The following ULK2 variants were observed in gnomAD, a reference collection of about 807,000 sequenced individuals.
ULK2 encodes serine/threonine-protein kinase ULK2.
In ULK2, 76 loss-of-function variants were observed where a neutral mutation model predicts 127.5. That is an observed-to-expected ratio of 0.60 (90% CI 0.50 to 0.72). The LOEUF (loss-of-function observed/expected upper bound fraction) is 0.72, where lower values mean the gene tolerates loss of function less well. Among genes scored for constraint, ULK2 ranks in the 30% least tolerant of loss-of-function variants. ULK2 has a pLI of 0.00. For synonymous variants in ULK2, 452 were observed against 461.9 expected (o/e 0.98, Z 0.28); for missense variants, 1,144 against 1,295.9 (o/e 0.88, Z 1.80).
rs760127276 is a variant in ULK2, at chr17:19,841,550, AT to A, written c.646-4del. On this transcript the variant is annotated splice_polypyrimidine_tract_variant and splice_region_variant and intron_variant, in intron 8 of 26. Transcript: ENST00000395544. ...CTTAAGTCTTGAGGACTATTGGCCT[AT>A]TAAAAAAAAAAAGGTTTAATTTCCT... The A allele has an allele frequency of 4.5e-6, 7 of 1,568,602 alleles. No individual in the cohort carries two copies. The African/African-American group carries it at 9.8e-5, about 22-fold the overall frequency.
At chr17:19,867,044 G>T (rs553976435) in intron 1 of ULK2, among the ~76,000 whole-genome samples, 1 of 152,296 alleles carries the variant, frequency 6.6e-6, no homozygotes, top group East Asian at 1.9e-4. Flanking sequence ...TTGGGTCCAG[G>T]GTAACCTGGG....
chr17:19,814,456 T>TGTTTGTTTGTTTGTTTG (rs71157834), intron 13 of ULK2, among the ~76,000 whole-genome samples: 6 of 18,254 alleles, frequency 3.3e-4, no homozygotes, highest in South Asian at 1.8e-3. Context: ...TTTTTTTTTT[T>TGTTTGTTTGTTTGTTTG]TTTTTTTGGA....
At chr17:19,859,027 C>T (rs958670750) in intron 3 of ULK2, among the ~76,000 whole-genome samples, 2 of 152,112 alleles carry the variant, frequency 1.3e-5, no homozygotes, top group South Asian at 2.1e-4. Flanking sequence ...TGGTGGCTCA[C>T]GCCTATAATC....
In ULK2 at chr17:19,867,902, A is replaced by G. The variant is rs1309921256; in HGVS notation, c.-485T>C. The G allele has an allele frequency of 2.7e-5, 4 of 150,892 alleles. No individual in the cohort carries two copies. The highest frequency in any genetic ancestry group is 5.9e-5 in the Non-Finnish European group (4 of 67,646). The allele number at this position is 150,892 out of a possible 1,614,324, so 9.3% of individuals were successfully genotyped here. ...CTTCCCCGCCTCGCGGCGGCGCCCAACGCCCTCGCGCGCGCTACCCGCTCC... is the reference window on the plus strand; with the variant it reads ...CTTCCCCGCCTCGCGGCGGCGCCCAGCGCCCTCGCGCGCGCTACCCGCTCC... On this transcript the variant is annotated 5_prime_UTR_variant, in exon 1 of 27. Coordinates refer to ENST00000395544, the MANE Select transcript of ULK2 (RefSeq NM_014683.4).
rs570142962 is a variant in ULK2, at chr17:19,821,384, A to G, written c.924+3710T>C. Among the ~76,000 whole-genome samples, 3 of 150,764 alleles carry G rather than the reference A, an allele frequency of 2.0e-5. No individual in the cohort carries two copies. In the Admixed American group the frequency reaches 2.0e-4, roughly 10 times the overall value. The stretch of plus-strand genomic sequence containing the variant: ...TAATCTCTAGTCAGTATCATAATTA[A>G]AAGAGTGATTTGGAGTTTTTTTATT... On this transcript the variant is annotated intron_variant, in intron 12 of 26. Transcript: ENST00000395544.
At chr17:19,860,940 C>T (rs2042229258) in intron 3 of ULK2, 1 of 152,082 alleles carries the variant, frequency 6.6e-6, no homozygotes, top group African/African-American at 2.4e-5. Context: ...GCAGCTCCCA[C>T]CTTAATCCCA....
At chr17:19,841,362 G>A in intron 9 of ULK2, 127 bp downstream of exon 9, 3 of 918,982 alleles carry the variant, frequency 3.3e-6, no homozygotes, top group Non-Finnish European at 4.8e-6. Flanking sequence ...CTAATTTGTT[G>A]TAACAAATGC....
At chr17:19,796,367 A>G in intron 18 of ULK2, 85 bp from the exon 19 acceptor site, 1 of 1,236,866 alleles carries the variant, frequency 8.1e-7, no homozygotes, top group Non-Finnish European at 1.1e-6. Context: ...TGTGTGACCC[A>G]GTAGTCAGGA....
In ULK2 at chr17:19,817,905, T is replaced by C. The variant is rs77235493; in HGVS notation, c.925-985A>G. ...ATGCACTTGACACAATCTCTCCTTA[T>C]CACTTTTTGAAGAGACTTTGTATCT... On this transcript the variant is annotated intron_variant, in intron 12 of 26. Coordinates refer to ENST00000395544, the MANE Select transcript of ULK2 (RefSeq NM_014683.4). Among the ~76,000 whole-genome samples the C allele has an allele frequency of 4.8e-3, 729 of 152,278 alleles. 24 individuals carry two copies. The East Asian group carries it at 0.089, about 19-fold the overall frequency.
chr17:19,840,510 T>C, intron 9 of ULK2: 4 of 444,814 alleles, frequency 9.0e-6, no homozygotes, highest in Non-Finnish European at 1.7e-5. Context: ...TAACCTCTCA[T>C]ATTAAGTCTG....
chr17:19,861,388 T>C (rs530459829), intron 3 of ULK2, among the ~76,000 whole-genome samples: 3 of 152,092 alleles, frequency 2.0e-5, no homozygotes, highest in Non-Finnish European at 2.9e-5. Flanking sequence ...CTATTAAAAA[T>C]ACAAAAATTA....
At chr17:19,829,527 AC>A (rs1208978896) in intron 10 of ULK2, among the ~76,000 whole-genome samples, 1 of 107,504 alleles carries the variant, frequency 9.3e-6, no homozygotes, top group Non-Finnish European at 1.7e-5. Flanking sequence ...ACAGGATGAG[AC>A]CCTGTCAAGG....
chr17:19,795,500 G>T, intron 20 of ULK2, 122 bp downstream of exon 20: 1 of 843,540 alleles, frequency 1.2e-6, no homozygotes. Flanking sequence ...CCAGAACTAT[G>T]AAATAATACA....
intron 14 of ULK2, among the ~76,000 whole-genome samples, chr17:19,806,980 G>C (rs1302143979): frequency 6.6e-6 from 1 of 152,186 alleles, no homozygotes. Context: ...CTTTACACCA[G>C]GAAATCCCCA....
intron 21 of ULK2, among the ~76,000 whole-genome samples, chr17:19,784,942 G>T (rs2086996839): frequency 6.6e-6 from 1 of 151,938 alleles, no homozygotes; most frequent in Non-Finnish European, 1.5e-5. Flanking sequence ...CATAATTTTA[G>T]ATCTATTTTC....
At chr17:19,806,073 C>A (rs920899388) in intron 14 of ULK2, among the ~76,000 whole-genome samples, 1 of 152,228 alleles carries the variant, frequency 6.6e-6, no homozygotes, top group South Asian at 2.1e-4. Flanking sequence ...AACAAACAAA[C>A]AAAATCCCAA....
At chr17:19,814,489 C>G (rs1379165006) in intron 13 of ULK2, among the ~76,000 whole-genome samples, 13 of 110,404 alleles carry the variant, frequency 1.2e-4, no homozygotes, top group Admixed American at 3.9e-4. Flanking sequence ...CTCTGTTGCC[C>G]AGGCTGGAGT....
In ULK2 at chr17:19,823,822, C is replaced by T. The variant is rs115585884; in HGVS notation, c.924+1272G>A. Among the ~76,000 whole-genome samples, 1,058 of 152,246 alleles carry T rather than the reference C, an allele frequency of 6.9e-3. 17 individuals carry two copies. The highest frequency in any genetic ancestry group is 0.023 in the African/African-American group (955 of 41,542). ...ACATAAGTCTTATTAACATAATCTG[C>T]TTTATCTATTTGGTATGAATTTGCG... On this transcript the variant is annotated intron_variant, in intron 12 of 26. Transcript: ENST00000395544.
intron 10 of ULK2, among the ~76,000 whole-genome samples, chr17:19,830,432 C>T (rs2041408869): frequency 6.6e-6 from 1 of 152,000 alleles, no homozygotes. Flanking sequence ...AAACTCCTGG[C>T]CTCATGCAGT....
Sources: gnomAD v4.1 joint callset for allele counts (sites outside exome capture counted in the v4.1 genomes callset) on GRCh38, gnomAD v4.1.1 for gene constraint, MANE v1.5 for transcripts, NCBI Gene and HGNC (gene_info 2026-07-23, HGNC 2026-07-21) for gene names.